Variants in GABRB1 observed in about 807,000 individuals in gnomAD.
The protein encoded by GABRB1 is gamma-aminobutyric acid type A receptor subunit beta1.
GABRB1 carries 17 observed loss-of-function variants against 51.6 expected under a neutral mutation model. The ratio of observed to expected loss-of-function variants is 0.33; its 90% CI spans 0.23 to 0.49. GABRB1 has a LOEUF of 0.49. Ranked by LOEUF, GABRB1 falls within the 20% of genes least tolerant of loss-of-function variation. The pLI, the probability that GABRB1 is intolerant of heterozygous loss-of-function variation, is 0.99. For missense variants in GABRB1, 410 were observed against 600.6 expected, an observed-to-expected ratio of 0.68 and a Z score of 3.32; for synonymous variants, 247 against 218.9, an observed-to-expected ratio of 1.13 and a Z score of -1.14.
intron 5 of GABRB1, among the ~76,000 whole-genome samples, chr4:47,376,819 G>T (rs989128293): frequency 1.3e-5 from 2 of 152,256 alleles, no homozygotes; most frequent in Non-Finnish European, 2.9e-5. Flanking sequence ...CAACCCCAGT[G>T]AGTCATGTAT....
At chr4:47,375,766 C>A (rs1294883296) in intron 5 of GABRB1, among the ~76,000 whole-genome samples, 1 of 152,172 alleles carries the variant, frequency 6.6e-6, no homozygotes, top group Non-Finnish European at 1.5e-5. Flanking sequence ...TGCAAAGGGT[C>A]TCCCATTATC....
At chr4:47,271,213 G>A (rs547897459) in intron 4 of GABRB1, among the ~76,000 whole-genome samples, 1 of 152,140 alleles carries the variant, frequency 6.6e-6, no homozygotes, top group Non-Finnish European at 1.5e-5. Flanking sequence ...TATATTCCCT[G>A]CTAGTATTTA....
chr4:47,408,860 C>A (rs57552192), intron 8 of GABRB1, among the ~76,000 whole-genome samples: 1 of 152,088 alleles, frequency 6.6e-6, no homozygotes, highest in African/African-American at 2.4e-5. Context: ...CGAGGGAAAA[C>A]CCTACCCAAA....
At chr4:47,283,435 G>A (rs1186264151) in intron 4 of GABRB1, among the ~76,000 whole-genome samples, 2 of 115,366 alleles carry the variant, frequency 1.7e-5, no homozygotes, top group African/African-American at 3.3e-5. Flanking sequence ...ACCGAAGCTG[G>A]AATGCAGCCA....
At chr4:47,425,590 T>A (rs1729254218) in intron 8 of GABRB1, 84 bp from the exon 9 acceptor site, 8 of 1,044,284 alleles carry the variant, frequency 7.7e-6, no homozygotes, top group Non-Finnish European at 1.1e-5. Context: ...TTAATGAGCC[T>A]TATGGGGTAT....
intron 4 of GABRB1, among the ~76,000 whole-genome samples, chr4:47,170,605 T>C (rs1226117857): frequency 3.3e-5 from 5 of 152,014 alleles, no homozygotes; most frequent in Admixed American, 3.3e-4. Context: ...AGGCTTACTG[T>C]GAGATATGCT....
chr4:47,014,217 A>G (rs1474038970), intron 1 of GABRB1, among the ~76,000 whole-genome samples: 3 of 152,176 alleles, frequency 2.0e-5, no homozygotes, highest in African/African-American at 7.2e-5. Flanking sequence ...TGAATGTCCT[A>G]TTCTGCACTT....
At chr4:46,994,483 T>A (rs141573301) in intron 1 of GABRB1, 5,038 of 141,184 alleles carry the variant, frequency 0.036, 110 homozygotes, top group East Asian at 0.076. Context: ...TGTGTGTGTG[T>A]GAGAGAGAGA....
chr4:47,084,132 A>C (rs969621722), intron 3 of GABRB1, among the ~76,000 whole-genome samples: 3 of 152,186 alleles, frequency 2.0e-5, no homozygotes, highest in Non-Finnish European at 2.9e-5. Flanking sequence ...TCTTTCATGG[A>C]GGATAAATTA....
intron 1 of GABRB1, among the ~76,000 whole-genome samples, chr4:47,004,327 T>C (rs1221396999): frequency 6.6e-6 from 1 of 152,192 alleles, no homozygotes; most frequent in Non-Finnish European, 1.5e-5. Context: ...TTCTTTAATT[T>C]TTCCCAGTGG....
chr4:47,116,579 T>A (rs187424054), intron 3 of GABRB1, among the ~76,000 whole-genome samples: 1 of 152,196 alleles, frequency 6.6e-6, no homozygotes, highest in Non-Finnish European at 1.5e-5. Flanking sequence ...TAAATTAGTT[T>A]GGCTGTTAAG....
chr4:47,413,531 G>A (rs781565977), intron 8 of GABRB1, among the ~76,000 whole-genome samples: 23 of 152,192 alleles, frequency 1.5e-4, no homozygotes, highest in Non-Finnish European at 2.8e-4. Context: ...ATATAAAAAA[G>A]ACTATTAATT....
At chr4:47,284,672 A>T (rs897110046) in intron 4 of GABRB1, among the ~76,000 whole-genome samples, 2 of 152,138 alleles carry the variant, frequency 1.3e-5, no homozygotes, top group Admixed American at 1.3e-4. Flanking sequence ...TCTTGACAGG[A>T]TCCTACAACC....
chr4:47,325,995 T>C (rs1290289986), intron 5 of GABRB1, among the ~76,000 whole-genome samples: 1 of 152,210 alleles, frequency 6.6e-6, no homozygotes, highest in Admixed American at 6.5e-5. Flanking sequence ...ACAGTTTTGC[T>C]TTTTGTCTGA....
upstream of GABRB1, among the ~76,000 whole-genome samples, chr4:47,028,622 G>A (rs1725173923): frequency 6.6e-6 from 1 of 151,350 alleles, no homozygotes; most frequent in Non-Finnish European, 1.5e-5. Flanking sequence ...CACATATCAT[G>A]TTGTGGCTAA....
chr4:47,173,182 T>C (rs1718517520), intron 4 of GABRB1, among the ~76,000 whole-genome samples: 1 of 152,220 alleles, frequency 6.6e-6, no homozygotes, highest in South Asian at 2.1e-4. Context: ...TAGTTGTTTG[T>C]TCGTTTTAAA....
At chr4:47,188,449 A>G (rs1406224205) in intron 4 of GABRB1, among the ~76,000 whole-genome samples, 1 of 151,916 alleles carries the variant, frequency 6.6e-6, no homozygotes, top group Non-Finnish European at 1.5e-5. Context: ...GACCTTCAAA[A>G]GGGAATATTG....
intron 4 of GABRB1, among the ~76,000 whole-genome samples, chr4:47,311,408 T>C (rs1300527562): frequency 2.4e-5 from 3 of 125,696 alleles, no homozygotes; most frequent in African/African-American, 6.4e-5. Context: ...CGAGACTCTG[T>C]CTCAAAAAAA....
intron 3 of GABRB1, among the ~76,000 whole-genome samples, chr4:47,034,828 T>C (rs1436147574): frequency 6.6e-6 from 1 of 152,168 alleles, no homozygotes; most frequent in Non-Finnish European, 1.5e-5. Flanking sequence ...TTGTTTATTA[T>C]ATGTTGTGAT....
Sources: gnomAD v4.1 joint callset for allele counts (sites outside exome capture counted in the v4.1 genomes callset) on GRCh38, gnomAD v4.1.1 for gene constraint, MANE v1.5 for transcripts, NCBI Gene and HGNC (gene_info 2026-07-23, HGNC 2026-07-21) for gene names.